The following BSN variants were observed in gnomAD, a reference collection of about 807,000 sequenced individuals.
BSN encodes the protein protein bassoon.
In BSN, 57 loss-of-function variants were observed where a neutral mutation model predicts 264.8. The observed-to-expected ratio is 0.22, with a 90% CI of 0.17 to 0.27. The LOEUF (loss-of-function observed/expected upper bound fraction) is 0.27. BSN is among the 10% of genes least tolerant of loss of function. BSN has a pLI of 1.00. For missense variants in BSN, 4,615 were observed against 5,232.5 expected, an observed-to-expected ratio of 0.88 and a Z score of 3.64; for synonymous variants, 2,059 against 2,137.3, an observed-to-expected ratio of 0.96 and a Z score of 1.01.
Position 49,653,063 on chromosome 3 carries a change from C to T in BSN, c.3507C>T (p.Ser1169=), listed in dbSNP as rs11709525. ...TCTACTCACCAACCGAGACACCCTC[C>T]GGCAGCTCCACCACTCCCAGTTCCG... is the stretch of plus-strand genomic sequence containing the variant. ...MSLYSPTETP[S]GSSTTPSSGR... Residue 1169 remains serine (S), a synonymous_variant, in exon 5 of 12, where the codon TCC becomes TCT. Coordinates refer to ENST00000296452, the MANE Select transcript of BSN (RefSeq NM_003458.4). This position sits in a 1 kb window ranked among gnomAD's most constrained non-coding sequence, Gnocchi z 6.3. 457,534 of 1,613,330 alleles carry T rather than the reference C, an allele frequency of 0.28. 68,907 individuals carry two copies. Among genetic ancestry groups the T allele is most frequent in the Middle Eastern group, 0.3 (1,839 of 6,062 alleles).
intron 1 of BSN, among the ~76,000 whole-genome samples, chr3:49,591,730 A>G (rs1174754240): frequency 6.6e-6 from 1 of 152,038 alleles, no homozygotes; most frequent in Non-Finnish European, 1.5e-5. Flanking sequence ...CTGGGACTAC[A>G]GATGTGTGCC....
chr3:49,563,276 C>T (rs2051728912), intron 1 of BSN, among the ~76,000 whole-genome samples: 1 of 152,184 alleles, frequency 6.6e-6, no homozygotes, highest in Non-Finnish European at 1.5e-5. Context: ...AACTGATGGC[C>T]TCCTTGTGCT....
chr3:49,644,228 C>T (rs562823653), intron 3 of BSN, among the ~76,000 whole-genome samples: 1 of 152,342 alleles, frequency 6.6e-6, no homozygotes, highest in Admixed American at 6.5e-5. Context: ...GCCACCTGAG[C>T]CCTCTGGTCT....
chr3:49,648,394 T>G (rs910858768), intron 3 of BSN, among the ~76,000 whole-genome samples: 13 of 152,208 alleles, frequency 8.5e-5, no homozygotes, highest in African/African-American at 3.1e-4. Context: ...TGGGCCTAGA[T>G]CCTAAACCCA....
rs1164720636 is a variant in BSN at position 49,642,564 on chromosome 3, C to G, written c.930C>G (p.Thr310=). The G allele has an allele frequency of 1.9e-6, 3 of 1,604,236 alleles. No homozygotes were observed. The highest frequency in any genetic ancestry group is 2.6e-6 in the Non-Finnish European group (3 of 1,174,180). Residue 310 remains threonine (T), a synonymous_variant, in exon 3 of 12, where the codon ACC becomes ACG. Transcript: ENST00000296452. This position sits in a 1 kb window ranked among gnomAD's most constrained non-coding sequence, Gnocchi z 7.0. ...GRVSPQPPQP[T]KPSTAEPRPP... is the part of the protein sequence containing the mutation. ...TGTCTCCTCAGCCCCCTCAACCCAC[C>G]AAGCCTTCCACAGCTGAGCCCAGGC... is the stretch of plus-strand genomic sequence containing the variant.
chr3:49,654,354 C>G lies in BSN; in HGVS notation c.4798C>G (p.Pro1600Ala), dbSNP rs2052574899. Reference sequence around the variant, plus strand: ...CCATGGCTACAGCCAGACAACACCTCCGAGTGTGTCTCAGCTGCCCCCAGA... The same window carrying G: ...CCATGGCTACAGCCAGACAACACCTGCGAGTGTGTCTCAGCTGCCCCCAGA... ...TTHGYSQTTP[P>A]SVSQLPPEPP... Residue 1600 changes from proline (P) to alanine (A), a missense_variant, in exon 5 of 12, where the codon CCG (proline) becomes GCG (alanine). By Grantham distance (27) the Pro-to-Ala change is conservative. This residue lies in a region of BSN where 3,415 missense variants were observed against 3,866.4 expected (regional missense o/e 0.88). Coordinates refer to ENST00000296452, the MANE Select transcript of BSN (RefSeq NM_003458.4). The surrounding 1 kb of genome is among the most constrained non-coding windows in gnomAD (Gnocchi z 4.1). 1.9e-6 allele frequency: 3 copies of G among 1,612,956 alleles called. No homozygotes were observed. The East Asian group carries it at 6.7e-5, about 36-fold the overall frequency.
Position 49,625,531 on chromosome 3 carries a change from G to C in BSN, c.633+148G>C. ...TGTCCTCCTGCAGGGATGTGTCCTG[G>C]TTCCAGGATGTGGCAGCAAAGAACA... On this transcript the variant is annotated intron_variant, in intron 2 of 11. Coordinates refer to ENST00000296452, the MANE Select transcript of BSN (RefSeq NM_003458.4). The surrounding 1 kb of genome is among the most constrained non-coding windows in gnomAD (Gnocchi z 4.4). The C allele has an allele frequency of 2.5e-6, 2 of 784,976 alleles. No individual in the cohort carries two copies. The highest frequency in any genetic ancestry group is 4.2e-5 in the Admixed American group (1 of 23,678). The allele number at this position is 784,976 out of a possible 1,614,324, so 48.6% of individuals were successfully genotyped here. A position where few individuals can be genotyped will look rare whatever the true frequency, so the allele number is the denominator to read the frequency against.
chr3:49,599,044 G>A (rs771154644), intron 1 of BSN, among the ~76,000 whole-genome samples: 2 of 152,114 alleles, frequency 1.3e-5, no homozygotes, highest in Admixed American at 6.5e-5. Context: ...GGAGCCTTGG[G>A]TATGTATAGA....
Position 49,575,648 on chromosome 3 carries a change from G to GTATATATATAGTATATATATGTATATATA in BSN, c.224+20823_224+20824insATATATATAGTATATATATGTATATATAT, listed in dbSNP as rs2051840518. ...ATAGTATATATATGTATATATATGT[G>GTATATATATAGTATATATATGTATATATA]TGTGTGTGTGTATATATATATATAT... On this transcript the variant is annotated intron_variant, in intron 1 of 11. Transcript: ENST00000296452. 9.1e-5 allele frequency among the ~76,000 whole-genome samples: 6 copies of GTATATATATAGTATATATATGTATATATA among 65,626 alleles called. No individual in the cohort carries two copies. The South Asian group carries it at 5.1e-3, about 55-fold the overall frequency. The allele number at this position is 65,626 out of a possible 152,430, so 43.1% of individuals were successfully genotyped here. A position where few individuals can be genotyped will look rare whatever the true frequency, so the allele number is the denominator to read the frequency against.
rs1215208643 is a variant in BSN, at chr3:49,655,774, A to G, written c.6218A>G (p.Tyr2073Cys). 1 of 1,613,456 alleles carries G rather than the reference A, an allele frequency of 6.2e-7. No homozygotes were observed. The highest frequency in any genetic ancestry group is 8.5e-7 in the Non-Finnish European group (1 of 1,180,036). Residue 2073 changes from tyrosine (Y) to cysteine (C), a missense_variant, in exon 5 of 12, where the codon TAC becomes TGC. Around this residue, in one of 3 missense-constraint regions of BSN, gnomAD observed 3,415 missense variants for 3,866.4 expected, o/e 0.88. Coordinates refer to ENST00000296452, the MANE Select transcript of BSN (RefSeq NM_003458.4). The stretch of plus-strand genomic sequence containing the variant: ...TCGAACATCTACTCAGACCACAGGT[A>G]CGGCCCACGGGGAGATGCAGTTGGC... ...SVSNIYSDHR[Y>C]GPRGDAVGFQ... is the part of the protein sequence containing the mutation.
chr3:49,672,494 T>TC (rs2052798060), downstream of BSN, among the ~76,000 whole-genome samples: 3 of 151,810 alleles, frequency 2.0e-5, no homozygotes, highest in Non-Finnish European at 4.4e-5. Flanking sequence ...TTTTTTTTTT[T>TC]CTTGAGACGG....
At chr3:49,634,124 C>G (rs1363134202) in intron 2 of BSN, among the ~76,000 whole-genome samples, 4 of 151,834 alleles carry the variant, frequency 2.6e-5, no homozygotes. Flanking sequence ...AGGGGAATTG[C>G]TTGAACCCAG....
chr3:49,656,469 G>C lies in BSN; in HGVS notation c.6913G>C (p.Ala2305Pro). The C allele has an allele frequency of 1.3e-6, 2 of 1,598,520 alleles. No homozygotes were observed. Among genetic ancestry groups the C allele is most frequent in the Non-Finnish European group, 1.7e-6 (2 of 1,171,144 alleles). The change falls in exon 5 of 12, where the codon GCT becomes CCT. Residue 2305 changes from alanine to proline, a missense_variant. Transcript: ENST00000296452. ...GPSRPEMPVG[A>P]AREEPLPTTT... ...TTCAAGGCCAGAGATGCCAGTAGGG[G>C]CTGCACGGGAAGAGCCTCTTCCCAC...
At position 49,655,127 on chromosome 3, in the gene BSN, C is replaced by A; in HGVS notation, c.5571C>A (p.Ala1857=). The change falls in exon 5 of 12, where the codon GCC becomes GCA. Residue 1857 remains alanine (A), a synonymous_variant. Coordinates refer to ENST00000296452, the MANE Select transcript of BSN (RefSeq NM_003458.4). The stretch of plus-strand genomic sequence containing the variant: ...TGCGGTCACATGCTCTGCCAGGTGC[C>A]AGGAAGCCACACACAGTGGTGGTGC... ...AELRSHALPG[A]RKPHTVVVQM... 1 of 1,612,424 alleles carries A rather than the reference C, an allele frequency of 6.2e-7. No homozygotes were observed. Among genetic ancestry groups the A allele is most frequent in the African/African-American group, 1.3e-5 (1 of 75,058 alleles).
chr3:49,596,547 G>A (rs552159229), intron 1 of BSN, among the ~76,000 whole-genome samples: 1 of 152,238 alleles, frequency 6.6e-6, no homozygotes, highest in East Asian at 1.9e-4. Context: ...TAGAGATGAA[G>A]TCTCACTATG....
At chr3:49,613,672 T>TC (rs1449542868) in intron 1 of BSN, among the ~76,000 whole-genome samples, 1 of 151,078 alleles carries the variant, frequency 6.6e-6, no homozygotes, top group African/African-American at 2.4e-5. Context: ...TTTTCTTTTT[T>TC]TTTTTTTGTA....
chr3:49,628,391 A>G (rs1470332929), intron 2 of BSN, among the ~76,000 whole-genome samples: 1 of 152,214 alleles, frequency 6.6e-6, no homozygotes, highest in African/African-American at 2.4e-5. Context: ...CAGAGTTATT[A>G]CTTTAGCTGA....
Position 49,663,173 on chromosome 3 carries a change from G to A in BSN, c.11015G>A (p.Arg3672Gln), listed in dbSNP as rs756708076. ...PGRRAAKPHA[R>Q]DLGRHEARPH... ...CGGCGTGCTGCCAAACCACACGCTC[G>A]GGACCTGGGTCGCCATGAGGCCCGG... The change falls in exon 7 of 12, where the codon CGG becomes CAG. Residue 3672 changes from arginine to glutamine, a missense_variant. Transcript: ENST00000296452. The A allele has an allele frequency of 8.7e-5, 140 of 1,613,330 alleles. No homozygotes were observed. The South Asian group carries it at 1.0e-3, about 12-fold the overall frequency.
At chr3:49,584,468 TTTTTG>T (rs2051919218) in intron 1 of BSN, among the ~76,000 whole-genome samples, 2 of 152,090 alleles carry the variant, frequency 1.3e-5, no homozygotes, top group South Asian at 4.1e-4. Context: ...TCTTTTCTCT[TTTTTG>T]TTTTATTTTC....
Sources: allele counts gnomAD v4.1 joint callset (sites outside exome capture counted in the v4.1 genomes callset), GRCh38; gene constraint gnomAD v4.1.1; regional missense constraint gnomAD v4.1.1; non-coding constraint Gnocchi (gnomAD v3.1); transcripts MANE v1.5; gene names NCBI Gene and HGNC (gene_info 2026-07-23, HGNC 2026-07-21).